Variants in MBNL1 observed in about 807,000 individuals in gnomAD.
MBNL1 encodes muscleblind like splicing regulator 1.
Under a neutral mutation model 42.2 loss-of-function variants are expected in MBNL1, and 8 were observed. The observed-to-expected ratio is 0.19, with a 90% CI of 0.11 to 0.34. The LOEUF (loss-of-function observed/expected upper bound fraction) is 0.34. Among genes scored for constraint, MBNL1 ranks in the 10% least tolerant of loss-of-function variants. The pLI, the probability that MBNL1 is intolerant of heterozygous loss-of-function variation, is 1.00. For missense variants in MBNL1, 309 were observed against 495.3 expected (o/e 0.62, Z 3.57); for synonymous variants, 169 against 173.9 (o/e 0.97, Z 0.22).
intron 2 of MBNL1, among the ~76,000 whole-genome samples, chr3:152,308,855 A>T (rs2064757819): frequency 6.6e-6 from 1 of 151,788 alleles, no homozygotes; most frequent in African/African-American, 2.4e-5. Flanking sequence ...GGATATGGTC[A>T]AGAGACCGGT....
At chr3:152,400,788 TA>T (rs1347499318) in intron 2 of MBNL1, among the ~76,000 whole-genome samples, 2 of 152,206 alleles carry the variant, frequency 1.3e-5, no homozygotes, top group South Asian at 2.1e-4. Flanking sequence ...GGAAAATGGA[TA>T]ATTTAAAAAT....
intron 7 of MBNL1, 77 bp downstream of exon 7, chr3:152,455,654 T>G: frequency 7.8e-7 from 1 of 1,283,974 alleles, no homozygotes; most frequent in Non-Finnish European, 1.1e-6. Context: ...ACTGCTAAGT[T>G]TAACTTATAT....
chr3:152,443,151 TATA>T (rs2099165596), intron 4 of MBNL1, among the ~76,000 whole-genome samples: 2 of 148,334 alleles, frequency 1.3e-5, no homozygotes, highest in East Asian at 4.0e-4. Flanking sequence ...AACATGAAAT[TATA>T]ATAAACCAAT....
chr3:152,309,579 G>A (rs2151974904), intron 2 of MBNL1, among the ~76,000 whole-genome samples: 1 of 152,280 alleles, frequency 6.6e-6, no homozygotes, highest in South Asian at 2.1e-4. Context: ...ATAGCTGACA[G>A]TAAATTACAC....
At chr3:152,297,260 T>TG (rs1185865746) in intron 1 of MBNL1, among the ~76,000 whole-genome samples, 94 of 151,432 alleles carry the variant, frequency 6.2e-4, no homozygotes, top group Admixed American at 2.2e-3. Context: ...CTTTGTTTTT[T>TG]TTTTTTTTTT....
At chr3:152,441,657 A>G (rs1443936823) in intron 4 of MBNL1, among the ~76,000 whole-genome samples, 2 of 152,246 alleles carry the variant, frequency 1.3e-5, no homozygotes, top group Non-Finnish European at 2.9e-5. Context: ...TAGAACTTAA[A>G]TGTTTTCAGT....
intron 2 of MBNL1, among the ~76,000 whole-genome samples, chr3:152,328,196 G>A (rs2081663434): frequency 6.6e-6 from 1 of 152,102 alleles, no homozygotes; most frequent in East Asian, 1.9e-4. Flanking sequence ...AAAATGTACA[G>A]TTTCTAAAGG....
At chr3:152,408,040 G>T (rs1288425633) in intron 2 of MBNL1, among the ~76,000 whole-genome samples, 1 of 152,058 alleles carries the variant, frequency 6.6e-6, no homozygotes, top group Admixed American at 6.5e-5. Context: ...GCATGCTGGG[G>T]TTAATACCTA....
chr3:152,395,846 C>T (rs1283339153), intron 2 of MBNL1, among the ~76,000 whole-genome samples: 1 of 152,220 alleles, frequency 6.6e-6, no homozygotes, highest in Non-Finnish European at 1.5e-5. Context: ...TTAGTTACTG[C>T]CATTTTACCT....
At chr3:152,382,419 T>A (rs1329908017) in intron 2 of MBNL1, among the ~76,000 whole-genome samples, 2 of 152,128 alleles carry the variant, frequency 1.3e-5, no homozygotes, top group East Asian at 3.8e-4. Context: ...GGAGAATTCA[T>A]ACGTTGTGTT....
At chr3:152,393,554 T>A (rs1181712451) in intron 2 of MBNL1, among the ~76,000 whole-genome samples, 1 of 152,194 alleles carries the variant, frequency 6.6e-6, no homozygotes, top group Non-Finnish European at 1.5e-5. Context: ...TCTGAGGGAA[T>A]ATCGTTTGAC....
intron 2 of MBNL1, among the ~76,000 whole-genome samples, chr3:152,371,880 T>C (rs535907103): frequency 1.6e-4 from 24 of 152,296 alleles, no homozygotes; most frequent in Admixed American, 3.3e-4. Flanking sequence ...TCCTGGATAA[T>C]ATCCTGAAGA....
intron 2 of MBNL1, among the ~76,000 whole-genome samples, chr3:152,368,087 T>G (rs945669164): frequency 6.6e-6 from 1 of 152,148 alleles, no homozygotes; most frequent in African/African-American, 2.4e-5. Context: ...TCTTTGCCCA[T>G]GCGTATGTCC....
In MBNL1 at chr3:152,463,311, TA is replaced by T. The variant is rs1315810813; in HGVS notation, c.*946del. On this transcript the variant is annotated 3_prime_UTR_variant, in exon 10 of 10. Coordinates refer to ENST00000324210, the MANE Select transcript of MBNL1 (RefSeq NM_021038.5). ...TTTTAATGCATTGTAGTGTAATATT[TA>T]TGCATACTATACTGTATAACATGTT... The T allele has an allele frequency of 6.6e-6, 1 of 152,194 alleles. No individual in the cohort carries two copies. The highest frequency in any genetic ancestry group is 1.5e-5 in the Non-Finnish European group (1 of 67,892). The allele number at this position is 152,194 out of a possible 1,614,324, so 9.4% of individuals were successfully genotyped here. A position where few individuals can be genotyped will look rare whatever the true frequency, so the allele number is the denominator to read the frequency against.
At chr3:152,358,114 T>C (rs2095659225) in intron 2 of MBNL1, among the ~76,000 whole-genome samples, 1 of 152,224 alleles carries the variant, frequency 6.6e-6, no homozygotes, top group Admixed American at 6.5e-5. Context: ...TTTAGTCTTC[T>C]AAATTTTACA....
chr3:152,256,908 A>C (rs2035520172), intron 2 of MBNL1, among the ~76,000 whole-genome samples: 1 of 151,958 alleles, frequency 6.6e-6, no homozygotes, highest in South Asian at 2.1e-4. Context: ...AAGGATGACA[A>C]TCATGTTGTC....
intron 2 of MBNL1, among the ~76,000 whole-genome samples, chr3:152,388,357 T>C (rs949455176): frequency 1.3e-5 from 2 of 152,228 alleles, no homozygotes; most frequent in African/African-American, 4.8e-5. Context: ...CATTAAAATA[T>C]CAGGTTCTTT....
At chr3:152,434,152 A>G (rs1246766924) in intron 4 of MBNL1, among the ~76,000 whole-genome samples, 2 of 152,078 alleles carry the variant, frequency 1.3e-5, no homozygotes, top group South Asian at 2.1e-4. Context: ...CATCACCCAG[A>G]TAATAAGCGC....
intron 4 of MBNL1, among the ~76,000 whole-genome samples, chr3:152,436,819 G>A (rs1222573127): frequency 1.3e-5 from 2 of 152,146 alleles, no homozygotes; most frequent in African/African-American, 4.8e-5. Flanking sequence ...GCTGTAGTCA[G>A]CACAAACGGT....
Sources: allele counts gnomAD v4.1 joint callset (sites outside exome capture counted in the v4.1 genomes callset), GRCh38; gene constraint gnomAD v4.1.1; transcripts MANE v1.5; gene names NCBI Gene and HGNC (gene_info 2026-07-23, HGNC 2026-07-21).